SDK1: variants seen among roughly 807,000 people sequenced by gnomAD.
SDK1 encodes sidekick cell adhesion molecule 1, also known as protein sidekick-1.
Under a neutral mutation model 245.5 loss-of-function variants are expected in SDK1, and 157 were observed. The ratio of observed to expected loss-of-function variants is 0.64; its 90% CI spans 0.56 to 0.73. The LOEUF is 0.73. SDK1 is among the 30% of genes least tolerant of loss of function. SDK1 has a pLI of 0.00. For synonymous variants in SDK1, 1,647 were observed against 1,278.5 expected (o/e 1.29, Z -6.15); for missense variants, 3,583 against 3,002.3 (o/e 1.19, Z -4.52).
chr7:3,681,183 C>A (rs1784088122), intron 4 of SDK1, among the ~76,000 whole-genome samples: 2 of 123,032 alleles, frequency 1.6e-5, no homozygotes, highest in African/African-American at 3.1e-5. Context: ...CTGAGTATGC[C>A]CCCGAGTGCT....
At chr7:3,721,858 C>T (rs1197850122) in intron 4 of SDK1, among the ~76,000 whole-genome samples, 2 of 152,186 alleles carry the variant, frequency 1.3e-5, no homozygotes, top group Admixed American at 1.3e-4. Flanking sequence ...AACTGTCGGC[C>T]ATCCTTAAGC....
Position 4,129,928 on chromosome 7 carries a change from C to T in SDK1, c.3960C>T (p.Asp1320=), listed in dbSNP as rs746053796. 2.5e-6 allele frequency: 4 copies of T among 1,613,764 alleles called. No individual in the cohort carries two copies. In the Admixed American group the frequency reaches 5.0e-5, roughly 20 times the overall value. ...CACAGATCCTGTTCCGGGCCAAAGACCTGGATCCCGAGCCCAGGAGCCACA... is the reference window on the plus strand; with the variant it reads ...CACAGATCCTGTTCCGGGCCAAAGATCTGGATCCCGAGCCCAGGAGCCACA... ...LGYKILFRAK[D]LDPEPRSHIV... Residue 1320 remains aspartate (D), a synonymous_variant, in exon 27 of 45, where the codon GAC becomes GAT. Coordinates refer to ENST00000404826, the MANE Select transcript of SDK1 (RefSeq NM_152744.4).
At chr7:3,587,627 C>G (rs1780733776) in intron 1 of SDK1, among the ~76,000 whole-genome samples, 2 of 152,204 alleles carry the variant, frequency 1.3e-5, no homozygotes, top group Non-Finnish European at 2.9e-5. Flanking sequence ...CTACCTACAT[C>G]GGGGATGGCC....
intron 4 of SDK1, among the ~76,000 whole-genome samples, chr7:3,731,836 G>A (rs993592971): frequency 6.6e-6 from 1 of 152,130 alleles, no homozygotes; most frequent in East Asian, 1.9e-4. Context: ...TCTGTCACCA[G>A]GCTGGAGTGC....
At chr7:4,074,916 ATTTTTT>A (rs55899344) in intron 20 of SDK1, among the ~76,000 whole-genome samples, 28 of 64,592 alleles carry the variant, frequency 4.3e-4, no homozygotes, top group South Asian at 5.9e-4. Flanking sequence ...ATATATATAT[ATTTTTT>A]TTTTTTTTTA....
At chr7:4,071,789 C>A (rs1001586876) in intron 20 of SDK1, among the ~76,000 whole-genome samples, 1 of 152,156 alleles carries the variant, frequency 6.6e-6, no homozygotes, top group African/African-American at 2.4e-5. Flanking sequence ...CGGGGCTGCC[C>A]GGGTAGGAAA....
At chr7:4,101,568 G>A (rs1410521379) in intron 22 of SDK1, among the ~76,000 whole-genome samples, 2 of 152,212 alleles carry the variant, frequency 1.3e-5, no homozygotes, top group African/African-American at 4.8e-5. Flanking sequence ...CTGTGGAGGA[G>A]ACCCCACCAT....
intron 12 of SDK1, among the ~76,000 whole-genome samples, chr7:3,971,947 C>A (rs922088803): frequency 6.6e-6 from 1 of 151,996 alleles, no homozygotes; most frequent in African/African-American, 2.4e-5. Flanking sequence ...CGGGAGAGTT[C>A]TTTACTCTCG....
intron 25 of SDK1, among the ~76,000 whole-genome samples, chr7:4,126,012 C>T (rs531921402): frequency 2.6e-5 from 4 of 152,224 alleles, no homozygotes; most frequent in Non-Finnish European, 5.9e-5. Context: ...GACTTTGCCA[C>T]CAAACAGTAT....
At position 4,001,822 on chromosome 7, in the gene SDK1, C is replaced by G. The variant is rs555193810; in HGVS notation, c.2132-9144C>G. ...GTCTTTGTCTGGCCTAAGCCTCTTT[C>G]TTTCTCAGGCGTCCTCAGTGGTTTA... On this transcript the variant is annotated intron_variant, in intron 14 of 44. Transcript: ENST00000404826. 1.3e-3 allele frequency among the ~76,000 whole-genome samples: 195 copies of G among 152,348 alleles called. 1 individual carries two copies. The highest frequency in any genetic ancestry group is 4.4e-3 in the African/African-American group (184 of 41,580).
chr7:3,928,173 A>G (rs28457601), intron 5 of SDK1, among the ~76,000 whole-genome samples: 1 of 152,234 alleles, frequency 6.6e-6, no homozygotes, highest in African/African-American at 2.4e-5. Flanking sequence ...ATTCTCCGTT[A>G]ATATAAATTA....
At chr7:3,532,666 G>T (rs1360771678) in intron 1 of SDK1, among the ~76,000 whole-genome samples, 2 of 152,168 alleles carry the variant, frequency 1.3e-5, no homozygotes, top group Admixed American at 1.3e-4. Flanking sequence ...GATAAATAAA[G>T]AAGGCTCTGT....
intron 1 of SDK1, among the ~76,000 whole-genome samples, chr7:3,433,483 C>T (rs1274070749): frequency 6.6e-6 from 1 of 152,004 alleles, no homozygotes; most frequent in African/African-American, 2.4e-5. Context: ...GTAAACTCTC[C>T]TCTTTTTCTC....
intron 28 of SDK1, among the ~76,000 whole-genome samples, chr7:4,139,046 G>A (rs1180082782): frequency 2.6e-5 from 4 of 152,244 alleles, no homozygotes; most frequent in African/African-American, 9.6e-5. Context: ...GCACACTGCA[G>A]CTCCCCCCGT....
rs1562445858 is a variant in SDK1 at position 4,217,326 on chromosome 7, G to GGCCACCCGGAGAACCAC, written c.5540-2766_5540-2750dup. Among the ~76,000 whole-genome samples, 20 of 110,310 alleles carry GGCCACCCGGAGAACCAC rather than the reference G, an allele frequency of 1.8e-4. 1 individual carries two copies. Among genetic ancestry groups the GGCCACCCGGAGAACCAC allele is most frequent in the African/African-American group, 6.3e-4 (18 of 28,706 alleles). The allele number at this position is 110,310 out of a possible 152,430, so 72.4% of individuals were successfully genotyped here. On this transcript the variant is annotated intron_variant, in intron 38 of 44. Coordinates refer to ENST00000404826, the MANE Select transcript of SDK1 (RefSeq NM_152744.4). ...GAGAACCAGGCCACCCGGAGCACCA[G>GGCCACCCGGAGAACCAC]GCCACCCGGAGAACCACGCCACCCG... is the stretch of plus-strand genomic sequence containing the variant.
chr7:3,414,068 G>C (rs980882246), intron 1 of SDK1, among the ~76,000 whole-genome samples: 3 of 152,176 alleles, frequency 2.0e-5, no homozygotes, highest in Non-Finnish European at 4.4e-5. Flanking sequence ...CTGGGCTGTA[G>C]TGGCAGCAGC....
At chr7:3,348,581 A>G (rs1295687485) in intron 1 of SDK1, among the ~76,000 whole-genome samples, 1 of 152,038 alleles carries the variant, frequency 6.6e-6, no homozygotes, top group East Asian at 1.9e-4. Flanking sequence ...GGCGGTGAAA[A>G]CCTACCTGTT....
intron 5 of SDK1, among the ~76,000 whole-genome samples, chr7:3,847,754 GTAAT>G (rs1173241543): frequency 2.6e-5 from 4 of 152,204 alleles, no homozygotes; most frequent in Admixed American, 6.5e-5. Context: ...TTTACTGTAA[GTAAT>G]CACATTTTAA....
chr7:3,893,039 C>T (rs1431962174), intron 5 of SDK1, among the ~76,000 whole-genome samples: 3 of 152,138 alleles, frequency 2.0e-5, no homozygotes, highest in Non-Finnish European at 2.9e-5. Flanking sequence ...GCGGGAAGCC[C>T]AGGCAGCCGT....
Sources: allele counts gnomAD v4.1 joint callset (sites outside exome capture counted in the v4.1 genomes callset), GRCh38; gene constraint gnomAD v4.1.1; transcripts MANE v1.5; gene names NCBI Gene and HGNC (gene_info 2026-07-23, HGNC 2026-07-21).